The following HNRNPH3 variants were observed in gnomAD, a reference collection of about 807,000 sequenced individuals.
The protein encoded by HNRNPH3 is heterogeneous nuclear ribonucleoprotein H3.
HNRNPH3 carries 7 observed loss-of-function variants against 47.0 expected under a neutral mutation model. The ratio of observed to expected loss-of-function variants is 0.15; its 90% CI spans 0.08 to 0.28. The LOEUF (loss-of-function observed/expected upper bound fraction) is 0.28, where lower values mean the gene tolerates loss of function less well. Ranked by LOEUF, HNRNPH3 falls within the 10% of genes least tolerant of loss-of-function variation. The probability of loss-of-function intolerance (pLI) is 1.00; values close to 1 mark genes in which losing one functional copy is unlikely to be tolerated. For synonymous variants in HNRNPH3, 120 were observed against 143.2 expected (o/e 0.84, Z 1.16); for missense variants, 279 against 449.6 (o/e 0.62, Z 3.43).
In HNRNPH3 at chr10:68,338,598, G is replaced by A. The variant is rs747793794; in HGVS notation, c.347G>A (p.Arg116Lys). The change falls in exon 4 of 10, where the codon AGA (arginine) becomes AAA (lysine). Residue 116 changes from arginine (R) to lysine (K), a missense_variant. Physicochemically the swap from Arg to Lys is conservative, Grantham distance 26 (BLOSUM62 2). This residue lies in a region of HNRNPH3 where 239 missense variants were observed against 335.8 expected (regional missense o/e 0.71). Transcript: ENST00000265866. ...GGACAGCGACCGGGACCATATGATA[G>A]ACCAATAGGAGGAAGAGGGGGTTAT... ...LLGQRPGPYD[R>K]PIGGRGGYYG... 1.9e-6 allele frequency: 3 copies of A among 1,613,318 alleles called. No homozygotes were observed. Among genetic ancestry groups the A allele is most frequent in the African/African-American group, 1.3e-5 (1 of 74,894 alleles).
Position 68,337,926 on chromosome 10 carries a change from T to G in HNRNPH3, c.181T>G (p.Phe61Val). 1 of 1,613,128 alleles carries G rather than the reference T, an allele frequency of 6.2e-7. No homozygotes were observed. Residue 61 changes from phenylalanine to valine, a missense_variant, in exon 3 of 10, where the codon TTC becomes GTC. By Grantham distance (50) the Phe-to-Val change is conservative (BLOSUM62 -1). Coordinates refer to ENST00000265866, the MANE Select transcript of HNRNPH3 (RefSeq NM_012207.3). The surrounding 1 kb of genome is among the most constrained non-coding windows in gnomAD (Gnocchi z 4.5). The stretch of plus-strand genomic sequence containing the variant: ...CCAGGGGAGAAGCACAGGGGAGGCC[T>G]TCGTGCAGTTTGCTTCAAAGGAGAT... ...DYQGRSTGEA[F>V]VQFASKEIAE...
upstream of HNRNPH3, chr10:68,331,974 T>C (rs1488774457): frequency 1.3e-5 from 2 of 152,564 alleles, no homozygotes; most frequent in South Asian, 2.1e-4. Context: ...CGAAACCGAC[T>C]TTCCCGTCTC....
intron 1 of HNRNPH3, among the ~76,000 whole-genome samples, chr10:68,335,612 A>G (rs1170884051): frequency 6.6e-6 from 1 of 152,150 alleles, no homozygotes; most frequent in African/African-American, 2.4e-5. Flanking sequence ...CAAGGCTTGA[A>G]TTGTTTTCTG....
chr10:68,337,166 T>A lies in HNRNPH3; in HGVS notation c.-23-33T>A, dbSNP rs2045588142. ...CCTCTTGACAAGAGTATATTTTGAT[T>A]GACTGCTCTATGTGCTTGTTTATTT... On this transcript the variant is annotated intron_variant, in intron 1 of 9. Transcript: ENST00000265866. This position sits in a 1 kb window ranked among gnomAD's most constrained non-coding sequence, Gnocchi z 4.5. 1.9e-6 allele frequency: 2 copies of A among 1,030,774 alleles called. No homozygotes were observed. The highest frequency in any genetic ancestry group is 1.4e-5 in the South Asian group (1 of 73,916). 63.9% of individuals were successfully genotyped at this position (1,030,774 alleles called of 1,614,324 possible). A position where few individuals can be genotyped will look rare whatever the true frequency, so the allele number is the denominator to read the frequency against.
intron 6 of HNRNPH3, 108 bp from the exon 7 acceptor site, chr10:68,341,066 C>A: frequency 1.4e-6 from 1 of 696,584 alleles, no homozygotes; most frequent in Non-Finnish European, 2.4e-6. Context: ...ATTAGTCTGA[C>A]AGGGCAGTGG....
intron 1 of HNRNPH3, among the ~76,000 whole-genome samples, chr10:68,333,913 T>G: frequency 6.6e-6 from 1 of 152,250 alleles, no homozygotes; most frequent in East Asian, 1.9e-4. Flanking sequence ...GAAGAGATAG[T>G]CCAGACTGTC....
At chr10:68,332,475 C>G (rs1370189411) in intron 1 of HNRNPH3, among the ~76,000 whole-genome samples, 1 of 152,222 alleles carries the variant, frequency 6.6e-6, no homozygotes, top group African/African-American at 2.4e-5. Flanking sequence ...AGCATTTTCC[C>G]CTTTCCCTGC....
Position 68,337,083 on chromosome 10 carries a change from C to T in HNRNPH3, c.-23-116C>T, listed in dbSNP as rs1489836603. 1 of 542,006 alleles carries T rather than the reference C, an allele frequency of 1.8e-6. No homozygotes were observed. The highest frequency in any genetic ancestry group is 3.3e-6 in the Non-Finnish European group (1 of 302,552). The allele number at this position is 542,006 out of a possible 1,614,324, so 33.6% of individuals were successfully genotyped here. ...CAATTTTGTTGTGGCATTGTCACAG[C>T]AGTTGGCCCCATGTTACATTTCCTC... On this transcript the variant is annotated intron_variant, in intron 1 of 9. Coordinates refer to ENST00000265866, the MANE Select transcript of HNRNPH3 (RefSeq NM_012207.3). The surrounding 1 kb of genome is among the most constrained non-coding windows in gnomAD (Gnocchi z 4.5).
At chr10:68,340,261 C>T (rs1177482487) in intron 6 of HNRNPH3, among the ~76,000 whole-genome samples, 1 of 152,180 alleles carries the variant, frequency 6.6e-6, no homozygotes, top group Non-Finnish European at 1.5e-5. Context: ...TGGTCCTGAC[C>T]TCATGATCCG....
Position 68,341,162 on chromosome 10 carries a change from C to T in HNRNPH3, c.640-12C>T, listed in dbSNP as rs200585611. On this transcript the variant is annotated splice_polypyrimidine_tract_variant and intron_variant, in intron 6 of 9. Transcript: ENST00000265866. ...TCAATAGAAAAGTAAATAAGTGTTTCCTTTTATTTAGTTCTTCTCACCACT... is the reference window on the plus strand; with the variant it reads ...TCAATAGAAAAGTAAATAAGTGTTTTCTTTTATTTAGTTCTTCTCACCACT... 6.6e-4 allele frequency: 994 copies of T among 1,516,736 alleles called. 6 individuals carry two copies. The African/African-American group carries it at 0.013, about 20-fold the overall frequency. The allele number at this position is 1,516,736 out of a possible 1,614,324, so 94.0% of individuals were successfully genotyped here. A position where few individuals can be genotyped will look rare whatever the true frequency, so the allele number is the denominator to read the frequency against.
At chr10:68,332,590 T>A (rs1424547076) in intron 1 of HNRNPH3, among the ~76,000 whole-genome samples, 1 of 152,046 alleles carries the variant, frequency 6.6e-6, no homozygotes, top group African/African-American at 2.4e-5. Context: ...AAAACTGATC[T>A]AGAAGGCCAG....
At chr10:68,331,783 T>C (rs1477488848), upstream of HNRNPH3, 4 of 152,286 alleles carry the variant, frequency 2.6e-5, no homozygotes, top group African/African-American at 4.8e-5. Flanking sequence ...AGAACTGCCA[T>C]TGCCATCGCC....
chr10:68,337,640 G>T lies in HNRNPH3; in HGVS notation c.113-218G>T. 1 of 527,392 alleles carries T rather than the reference G, an allele frequency of 1.9e-6. No individual in the cohort carries two copies. Among genetic ancestry groups the T allele is most frequent in the South Asian group, 3.0e-5 (1 of 33,106 alleles). 32.7% of individuals were successfully genotyped at this position (527,392 alleles called of 1,614,324 possible). ...TGTAATATAGGTGGGCTTTTAGAGT[G>T]TGTAATTACACAGTGTTTTTACACT... On this transcript the variant is annotated intron_variant, in intron 2 of 9. Transcript: ENST00000265866. This position sits in a 1 kb window ranked among gnomAD's most constrained non-coding sequence, Gnocchi z 4.5.
intron 6 of HNRNPH3, among the ~76,000 whole-genome samples, chr10:68,340,930 T>G (rs2045886836): frequency 6.6e-6 from 1 of 151,632 alleles, no homozygotes; most frequent in Non-Finnish European, 1.5e-5. Context: ...GCCTTCTGAG[T>G]AGCTGGGATT....
In HNRNPH3 at chr10:68,338,544, G is replaced by A. The variant is rs1564751984; in HGVS notation, c.293G>A (p.Gly98Glu). The change falls in exon 4 of 10, where the codon GGA becomes GAA. Residue 98 changes from glycine (G) to glutamate (E), a missense_variant. This residue lies in a region of HNRNPH3 where 239 missense variants were observed against 335.8 expected (regional missense o/e 0.71). Transcript: ENST00000265866. ...IFRSSRSEIK[G>E]FYDPPRRLLG... ...AGAAGTAGCAGGAGTGAAATCAAAG[G>A]ATTTTATGATCCACCAAGAAGATTG... The A allele has an allele frequency of 9.3e-6, 15 of 1,612,792 alleles. No individual in the cohort carries two copies. Among genetic ancestry groups the A allele is most frequent in the African/African-American group, 1.3e-5 (1 of 74,866 alleles).
intron 1 of HNRNPH3, chr10:68,332,867 G>C (rs1010279396): frequency 6.6e-6 from 1 of 152,356 alleles, no homozygotes; most frequent in Non-Finnish European, 1.5e-5. Flanking sequence ...AGCCAATGGC[G>C]ACGAAGGTGC....
chr10:68,339,645 T>G, intron 6 of HNRNPH3, 90 bp downstream of exon 6: 1 of 762,716 alleles, frequency 1.3e-6, no homozygotes, highest in Non-Finnish European at 2.2e-6. Flanking sequence ...GTTTATAGCT[T>G]AATACCAAAA....
At chr10:68,338,053 A>C (rs2045626946) in intron 3 of HNRNPH3, 57 bp downstream of exon 3, 10 of 1,363,918 alleles carry the variant, frequency 7.3e-6, no homozygotes, top group Non-Finnish European at 9.0e-6. Flanking sequence ...GTTGTGGGTC[A>C]CTATTGCTTA....
rs2046012631 is a variant in HNRNPH3 at position 68,342,263 on chromosome 10, A to G, written c.*209A>G. The G allele has an allele frequency of 6.1e-6, 3 of 489,806 alleles. No homozygotes were observed. In the East Asian group the frequency reaches 1.0e-4, roughly 17 times the overall value. 30.3% of individuals were successfully genotyped at this position (489,806 alleles called of 1,614,324 possible). On this transcript the variant is annotated 3_prime_UTR_variant, in exon 10 of 10. Coordinates refer to ENST00000265866, the MANE Select transcript of HNRNPH3 (RefSeq NM_012207.3). ...TACTTTGACTTAAAAATAAATTTTT[A>G]TATTCAAACCACTGATGTTGATACT...
Sources: gnomAD v4.1 joint callset for allele counts (sites outside exome capture counted in the v4.1 genomes callset) on GRCh38, gnomAD v4.1.1 for gene constraint, gnomAD v4.1.1 regional missense constraint, Gnocchi (gnomAD v3.1) non-coding constraint, MANE v1.5 for transcripts, NCBI Gene and HGNC (gene_info 2026-07-23, HGNC 2026-07-21) for gene names.